MARCHF1: variants seen among roughly 807,000 people sequenced by gnomAD.
The protein encoded by MARCHF1 is membrane associated ring-CH-type finger 1.
A neutral mutation model predicts 54.2 loss-of-function variants in MARCHF1; 40 were observed. The observed-to-expected ratio is 0.74, with a 90% CI of 0.57 to 0.96. The LOEUF (loss-of-function observed/expected upper bound fraction) is 0.96, where lower values mean the gene tolerates loss of function less well. Among genes scored for constraint, MARCHF1 ranks in the 40% least tolerant of loss-of-function variants. MARCHF1 has a pLI of 0.00. For synonymous variants in MARCHF1, 236 were observed against 236.3 expected, an observed-to-expected ratio of 1.00 and a Z score of 0.01; for missense variants, 586 against 656.5, an observed-to-expected ratio of 0.89 and a Z score of 1.17.
At chr4:164,356,848 C>T (rs537463721) in intron 1 of MARCHF1, among the ~76,000 whole-genome samples, 1 of 146,544 alleles carries the variant, frequency 6.8e-6, no homozygotes, top group Admixed American at 6.9e-5. Context: ...CTGCACAAAT[C>T]AGAAAAATAT....
chr4:163,931,829 A>G (rs1189735117), intron 3 of MARCHF1, among the ~76,000 whole-genome samples: 1 of 152,212 alleles, frequency 6.6e-6, no homozygotes, highest in Non-Finnish European at 1.5e-5. Flanking sequence ...TCTACAGCAC[A>G]CTGGCCTACC....
At chr4:164,072,725 A>AT (rs1491564638) in intron 2 of MARCHF1, among the ~76,000 whole-genome samples, 2 of 126,400 alleles carry the variant, frequency 1.6e-5, no homozygotes, top group East Asian at 4.3e-4. Context: ...AAAAAAAAAA[A>AT]CTTCATTAGT....
chr4:163,526,417 A>ATGT lies in MARCHF1; in HGVS notation c.*2328_*2330dup, dbSNP rs1291960682. ...CATTTCTTTGTTTGCTGGTGTCTGGATGTTTTTCCCCGGGAATATCTGTAA... is the reference window on the plus strand; with the variant it reads ...CATTTCTTTGTTTGCTGGTGTCTGGATGTTGTTTTTCCCCGGGAATATCTGTAA... On this transcript the variant is annotated 3_prime_UTR_variant, in exon 10 of 10. Coordinates refer to ENST00000514618, the MANE Select transcript of MARCHF1 (RefSeq NM_001394959.1). 6.6e-6 allele frequency: 1 copy of ATGT among 152,030 alleles called. No individual in the cohort carries two copies. The highest frequency in any genetic ancestry group is 1.5e-5 in the Non-Finnish European group (1 of 67,964). The allele number at this position is 152,030 out of a possible 1,614,324, so 9.4% of individuals were successfully genotyped here.
intron 3 of MARCHF1, among the ~76,000 whole-genome samples, chr4:163,873,808 T>C (rs1750231544): frequency 1.3e-5 from 2 of 152,226 alleles, no homozygotes; most frequent in Non-Finnish European, 2.9e-5. Flanking sequence ...CAACTGGTCC[T>C]GTCTTCTTGT....
At chr4:164,045,200 A>C (rs1225155249) in intron 2 of MARCHF1, among the ~76,000 whole-genome samples, 1 of 152,066 alleles carries the variant, frequency 6.6e-6, no homozygotes, top group Non-Finnish European at 1.5e-5. Context: ...AATGAGTATA[A>C]ATTTCATTCA....
intron 3 of MARCHF1, among the ~76,000 whole-genome samples, chr4:163,923,753 G>A (rs1156578224): frequency 1.3e-5 from 2 of 148,244 alleles, no homozygotes; most frequent in African/African-American, 4.9e-5. Flanking sequence ...TGATTTTGAA[G>A]GTGATAGAAT....
intron 1 of MARCHF1, among the ~76,000 whole-genome samples, chr4:164,129,553 A>G (rs1756257600): frequency 6.6e-6 from 1 of 152,178 alleles, no homozygotes; most frequent in Non-Finnish European, 1.5e-5. Context: ...AGAATTAATC[A>G]TTGAAGTATA....
At chr4:163,695,452 C>G (rs1744591232) in intron 5 of MARCHF1, among the ~76,000 whole-genome samples, 2 of 152,110 alleles carry the variant, frequency 1.3e-5, no homozygotes, top group Non-Finnish European at 2.9e-5. Context: ...GCAGAATTAA[C>G]TGGTGTGCAC....
At chr4:163,710,888 A>G (rs940785262) in intron 4 of MARCHF1, among the ~76,000 whole-genome samples, 19 of 152,260 alleles carry the variant, frequency 1.2e-4, no homozygotes, top group African/African-American at 4.1e-4. Flanking sequence ...TTAAAGCAAT[A>G]TATAAAGTCA....
chr4:163,661,527 C>A (rs140694684), intron 5 of MARCHF1, among the ~76,000 whole-genome samples: 2 of 151,732 alleles, frequency 1.3e-5, no homozygotes, highest in Non-Finnish European at 2.9e-5. Context: ...TTTCTAGATG[C>A]TTTTCTTTTT....
At chr4:164,000,565 G>T (rs1753167185) in intron 2 of MARCHF1, among the ~76,000 whole-genome samples, 1 of 151,588 alleles carries the variant, frequency 6.6e-6, no homozygotes, top group South Asian at 2.1e-4. Flanking sequence ...GAATAAGCTG[G>T]ATTATTTGGG....
chr4:163,879,213 G>A (rs1750360910), intron 3 of MARCHF1, among the ~76,000 whole-genome samples: 2 of 152,154 alleles, frequency 1.3e-5, no homozygotes, highest in South Asian at 4.1e-4. Context: ...TTGAGGGGAA[G>A]CATGCAGTGT....
intron 8 of MARCHF1, among the ~76,000 whole-genome samples, chr4:163,551,734 G>T (rs1739113348): frequency 6.6e-6 from 1 of 152,100 alleles, no homozygotes; most frequent in Non-Finnish European, 1.5e-5. Context: ...CATCAGGATG[G>T]CTTCCCCCAT....
At chr4:163,890,892 G>A (rs4431174) in intron 3 of MARCHF1, among the ~76,000 whole-genome samples, 74,900 of 149,410 alleles carry the variant, frequency 0.5, 18,989 homozygotes, top group Non-Finnish European at 0.55. Flanking sequence ...TCAAACCTCA[G>A]TTTTTTTTTT....
At chr4:163,806,987 T>C (rs1159688139) in intron 4 of MARCHF1, among the ~76,000 whole-genome samples, 2 of 152,104 alleles carry the variant, frequency 1.3e-5, no homozygotes, top group African/African-American at 2.4e-5. Context: ...TTTCTAAGCT[T>C]AAAATTAGAA....
chr4:164,258,520 A>G (rs1733360987), intron 1 of MARCHF1, among the ~76,000 whole-genome samples: 1 of 151,780 alleles, frequency 6.6e-6, no homozygotes, highest in Admixed American at 6.6e-5. Flanking sequence ...CTTATTTTCT[A>G]TCTTATGGTT....
At chr4:164,055,705 C>G (rs1560882886) in intron 2 of MARCHF1, among the ~76,000 whole-genome samples, 1 of 152,056 alleles carries the variant, frequency 6.6e-6, no homozygotes, top group Non-Finnish European at 1.5e-5. Flanking sequence ...GAGTAAAGGT[C>G]CTCTGGGGAC....
chr4:163,565,277 T>G lies in MARCHF1; in HGVS notation c.1192-19534A>C, dbSNP rs567208196. Among the ~76,000 whole-genome samples the G allele has an allele frequency of 1.1e-4, 16 of 152,350 alleles. No homozygotes were observed. In the East Asian group the frequency reaches 2.9e-3, roughly 28 times the overall value. On this transcript the variant is annotated intron_variant, in intron 8 of 9. Coordinates refer to ENST00000514618, the MANE Select transcript of MARCHF1 (RefSeq NM_001394959.1). The stretch of plus-strand genomic sequence containing the variant: ...CATCCCTCATGCCAAATTCTTTCAC[T>G]GTAATGACATGATATCTTATAAAAA...
intron 1 of MARCHF1, among the ~76,000 whole-genome samples, chr4:164,198,715 C>G (rs1015729996): frequency 3.9e-5 from 6 of 152,128 alleles, no homozygotes. Context: ...ATGGCAGAAG[C>G]CTTGAGTGAA....
Sources: allele counts gnomAD v4.1 joint callset (sites outside exome capture counted in the v4.1 genomes callset), GRCh38; gene constraint gnomAD v4.1.1; transcripts MANE v1.5; gene names NCBI Gene and HGNC (gene_info 2026-07-23, HGNC 2026-07-21).